Variants in KCNIP1 observed in about 807,000 individuals in gnomAD.
The protein encoded by KCNIP1 is A-type potassium channel modulatory protein KCNIP1.
A neutral mutation model predicts 33.0 loss-of-function variants in KCNIP1; 18 were observed. The ratio of observed to expected loss-of-function variants is 0.55; its 90% confidence interval spans 0.38 to 0.81. The LOEUF (loss-of-function observed/expected upper bound fraction) is 0.81. KCNIP1 is among the 30% of genes least tolerant of loss of function. The probability of loss-of-function intolerance (pLI) is 0.00; values close to 1 mark genes in which losing one functional copy is unlikely to be tolerated. For synonymous variants in KCNIP1, 93 were observed against 98.3 expected (o/e 0.95, Z 0.32); for missense variants, 238 against 271.6 (o/e 0.88, Z 0.87).
At chr5:170,729,455 GGTAGATGCGTAAAAATACCTTTAAATAAA>G (rs1404353512) in intron 5 of KCNIP1, among the ~76,000 whole-genome samples, 2 of 151,864 alleles carry the variant, frequency 1.3e-5, no homozygotes, top group Non-Finnish European at 2.9e-5. Flanking sequence ...TCTAGCACAT[GGTAGATGCGTAAAAATACCTTTAAATAAA>G]TTAAAAATCT....
rs149466966 is a variant in KCNIP1, at chr5:170,412,884, C to G, written c.88+58920C>G. Among the ~76,000 whole-genome samples, 960 of 152,260 alleles carry G rather than the reference C, an allele frequency of 6.3e-3. 11 individuals are homozygous for G. Among genetic ancestry groups the G allele is most frequent in the African/African-American group, 0.022 (897 of 41,546 alleles). ...CAAATTTTCTTCTGTAGCCCCACCC[C>G]CTCATTTACACCACACACCTGCCGC... On this transcript the variant is annotated intron_variant, in intron 1 of 7. Coordinates refer to the KCNIP1 transcript ENST00000377360.
intron 1 of KCNIP1, among the ~76,000 whole-genome samples, chr5:170,435,787 T>C (rs1445387091): frequency 1.3e-5 from 2 of 152,008 alleles, no homozygotes; most frequent in Non-Finnish European, 2.9e-5. Flanking sequence ...GTTTTTCAGG[T>C]TACATCTTGG....
Position 170,736,109 on chromosome 5 carries a change from A to C in KCNIP1, c.*303A>C. ...TGGAAGGTCCCTCTGCTTAAGCTTA[A>C]ACAGTAGTGCACAAAATATGCTGCT... On this transcript the variant is annotated 3_prime_UTR_variant, in exon 8 of 8. Transcript: ENST00000328939. 2.7e-6 allele frequency: 1 copy of C among 372,510 alleles called. No homozygotes were observed. Among genetic ancestry groups the C allele is most frequent in the Non-Finnish European group, 4.9e-6 (1 of 204,266 alleles). 23.1% of individuals were successfully genotyped at this position (372,510 alleles called of 1,614,324 possible).
chr5:170,498,709 G>A (rs1251579230), intron 1 of KCNIP1, among the ~76,000 whole-genome samples: 4 of 152,184 alleles, frequency 2.6e-5, no homozygotes, highest in African/African-American at 7.2e-5. Flanking sequence ...ATGAATGAAT[G>A]AATGATCCAA....
intron 1 of KCNIP1, among the ~76,000 whole-genome samples, chr5:170,490,884 C>T (rs1282710002): frequency 6.6e-6 from 1 of 152,164 alleles, no homozygotes; most frequent in East Asian, 1.9e-4. Flanking sequence ...TTTCTTTTAC[C>T]TCAAGTTCTC....
chr5:170,478,954 A>C (rs1756917015), intron 1 of KCNIP1, among the ~76,000 whole-genome samples: 1 of 152,182 alleles, frequency 6.6e-6, no homozygotes, highest in Non-Finnish European at 1.5e-5. Context: ...TTTGCTCCCA[A>C]ATGTTTCAAT....
At chr5:170,723,407 T>A (rs1234283973) in intron 5 of KCNIP1, among the ~76,000 whole-genome samples, 1 of 152,176 alleles carries the variant, frequency 6.6e-6, no homozygotes, top group African/African-American at 2.4e-5. Flanking sequence ...CCCTCAGGTC[T>A]ATCTCAAAAC....
In KCNIP1 at chr5:170,720,360, C is replaced by G; in HGVS notation, c.226C>G (p.Gln76Glu). Residue 76 changes from glutamine to glutamate, a missense_variant, in exon 3 of 8, where the codon CAG becomes GAG. Physicochemically the swap from Gln to Glu is conservative, Grantham distance 29 (BLOSUM62 2). Transcript: ENST00000328939. ...TGTGGTCAACGAAGACACATTCAAG[C>G]AGATCTATGCTCAGTTTTTCCCTCA... ...SGVVNEDTFK[Q>E]IYAQFFPHGD... The G allele has an allele frequency of 6.2e-7, 1 of 1,614,082 alleles. No homozygotes were observed. Among genetic ancestry groups the G allele is most frequent in the Non-Finnish European group, 8.5e-7 (1 of 1,179,936 alleles).
At chr5:170,487,649 G>C (rs1252149044) in intron 1 of KCNIP1, among the ~76,000 whole-genome samples, 1 of 151,760 alleles carries the variant, frequency 6.6e-6, no homozygotes, top group Non-Finnish European at 1.5e-5. Flanking sequence ...AGCCCCTCGA[G>C]TAGCTGGAAC....
chr5:170,605,554 A>G (rs920056397), intron 1 of KCNIP1, among the ~76,000 whole-genome samples: 1 of 152,154 alleles, frequency 6.6e-6, no homozygotes, highest in Non-Finnish European at 1.5e-5. Context: ...CTCAGATGGA[A>G]GCCCCGTATT....
At chr5:170,694,493 C>G (rs1762827440) in intron 1 of KCNIP1, among the ~76,000 whole-genome samples, 1 of 152,178 alleles carries the variant, frequency 6.6e-6, no homozygotes, top group African/African-American at 2.4e-5. Context: ...GTCACCCCCT[C>G]ACTCACCAGT....
chr5:170,639,752 C>A (rs1490940170), intron 1 of KCNIP1, among the ~76,000 whole-genome samples: 1 of 152,212 alleles, frequency 6.6e-6, no homozygotes. Context: ...TGATTGCTCT[C>A]CCAGGTGTAG....
At chr5:170,584,685 C>T (rs542174169) in intron 1 of KCNIP1, among the ~76,000 whole-genome samples, 75 of 152,236 alleles carry the variant, frequency 4.9e-4, no homozygotes, top group Non-Finnish European at 9.1e-4. Flanking sequence ...GGGACAACTC[C>T]GGGGACTTAG....
At chr5:170,401,852 A>G (rs1251319341) in intron 1 of KCNIP1, among the ~76,000 whole-genome samples, 1 of 152,004 alleles carries the variant, frequency 6.6e-6, no homozygotes, top group Non-Finnish European at 1.5e-5. Context: ...CGGTACTTTC[A>G]TAGAGTTGCT....
chr5:170,645,211 G>T (rs1302121445), intron 1 of KCNIP1, among the ~76,000 whole-genome samples: 1 of 152,154 alleles, frequency 6.6e-6, no homozygotes, highest in Non-Finnish European at 1.5e-5. Flanking sequence ...TTTAAAGCTT[G>T]TCTAGGTGGG....
chr5:170,442,852 T>G (rs1449029753), intron 1 of KCNIP1, among the ~76,000 whole-genome samples: 1 of 152,198 alleles, frequency 6.6e-6, no homozygotes, highest in African/African-American at 2.4e-5. Context: ...CTGATGTGGT[T>G]ATGCATCAGG....
At chr5:170,357,709 A>G (rs6876816) in intron 1 of KCNIP1, among the ~76,000 whole-genome samples, 60,288 of 151,998 alleles carry the variant, frequency 0.4, 12,813 homozygotes, top group African/African-American at 0.55. Context: ...TTGACTGTTT[A>G]TAGAGACAGG....
At chr5:170,572,452 G>A (rs1201500470) in intron 1 of KCNIP1, among the ~76,000 whole-genome samples, 2 of 152,166 alleles carry the variant, frequency 1.3e-5, no homozygotes, top group Admixed American at 1.3e-4. Flanking sequence ...TGCGCTCACA[G>A]TGCTTTCTTG....
chr5:170,534,654 G>A (rs2113357370), intron 1 of KCNIP1, among the ~76,000 whole-genome samples: 1 of 151,928 alleles, frequency 6.6e-6, no homozygotes, highest in East Asian at 1.9e-4. Context: ...AAGTAGCTGG[G>A]ACCACAGGCA....
Sources: allele counts gnomAD v4.1 joint callset (sites outside exome capture counted in the v4.1 genomes callset), GRCh38; gene constraint gnomAD v4.1.1; transcripts MANE v1.5; gene names NCBI Gene and HGNC (gene_info 2026-07-23, HGNC 2026-07-21).